The following GALNT17 variants were observed in gnomAD, a reference collection of about 807,000 sequenced individuals.
GALNT17 encodes UDP-GalNAc:polypeptide N-acetylgalactosaminyltransferase-like 3.
A neutral mutation model predicts 63.7 loss-of-function variants in GALNT17; 29 were observed. The ratio of observed to expected loss-of-function variants is 0.46; its 90% CI spans 0.34 to 0.62. The LOEUF is 0.62. Ranked by LOEUF, GALNT17 falls within the 20% of genes least tolerant of loss-of-function variation. GALNT17 has a pLI of 0.01. For synonymous variants in GALNT17, 305 were observed against 318.3 expected (o/e 0.96, Z 0.45); for missense variants, 603 against 799.6 (o/e 0.75, Z 2.97).
At chr7:71,137,527 G>C (rs1388926339) in intron 1 of GALNT17, among the ~76,000 whole-genome samples, 1 of 152,226 alleles carries the variant, frequency 6.6e-6, no homozygotes, top group African/African-American at 2.4e-5. Flanking sequence ...GGTTGATCAA[G>C]TTGTTGGGAG....
intron 9 of GALNT17, among the ~76,000 whole-genome samples, chr7:71,702,168 C>T (rs1791661049): frequency 1.3e-5 from 2 of 151,778 alleles, no homozygotes; most frequent in South Asian, 4.2e-4. Flanking sequence ...TGAAAAGTGC[C>T]TACTGGGTAC....
At chr7:71,701,932 TAC>T (rs1791657174) in intron 9 of GALNT17, among the ~76,000 whole-genome samples, 1 of 145,136 alleles carries the variant, frequency 6.9e-6, no homozygotes, top group Non-Finnish European at 1.5e-5. Context: ...TGTATATATA[TAC>T]ATGTCATGGA....
intron 5 of GALNT17, among the ~76,000 whole-genome samples, chr7:71,453,147 T>G (rs1038731670): frequency 1.3e-5 from 2 of 152,126 alleles, no homozygotes; most frequent in Non-Finnish European, 2.9e-5. Context: ...CATTTTTTTT[T>G]GCATGAATTT....
At position 71,710,807 on chromosome 7, in the gene GALNT17, G is replaced by A; in HGVS notation, c.1547G>A (p.Gly516Glu). Residue 516 changes from glycine to glutamate, a missense_variant, in exon 10 of 11, where the codon GGG becomes GAG. Coordinates refer to ENST00000333538, the MANE Select transcript of GALNT17 (RefSeq NM_022479.3). ...KEGFLHLGALGTTTLLPDTRC... is the reference protein window; with the variant it reads ...KEGFLHLGALETTTLLPDTRC... Reference sequence around the variant, plus strand: ...GGCTTCCTGCACTTGGGTGCCCTGGGGACCACCACACTCCTCCCTGACACC... The same window carrying A: ...GGCTTCCTGCACTTGGGTGCCCTGGAGACCACCACACTCCTCCCTGACACC... The A allele has an allele frequency of 6.2e-7, 1 of 1,613,384 alleles. No individual in the cohort carries two copies. The highest frequency in any genetic ancestry group is 8.5e-7 in the Non-Finnish European group (1 of 1,179,928).
At chr7:71,359,744 C>T (rs1320486909) in intron 2 of GALNT17, among the ~76,000 whole-genome samples, 1 of 152,000 alleles carries the variant, frequency 6.6e-6, no homozygotes, top group African/African-American at 2.4e-5. Flanking sequence ...CCACCATACC[C>T]GGCTAATTTT....
chr7:71,684,276 A>G (rs892250317), intron 9 of GALNT17, among the ~76,000 whole-genome samples: 1 of 152,150 alleles, frequency 6.6e-6, no homozygotes, highest in Non-Finnish European at 1.5e-5. Context: ...CAGCTGGTCA[A>G]CCTTCTCCAG....
At chr7:71,208,509 G>A (rs910706803) in intron 1 of GALNT17, among the ~76,000 whole-genome samples, 1 of 147,014 alleles carries the variant, frequency 6.8e-6, no homozygotes, top group African/African-American at 2.5e-5. Flanking sequence ...GGTGTGCAGT[G>A]GTGTGATCAT....
At chr7:71,226,451 A>G (rs1332895115) in intron 1 of GALNT17, among the ~76,000 whole-genome samples, 2 of 152,038 alleles carry the variant, frequency 1.3e-5, no homozygotes, top group African/African-American at 2.4e-5. Flanking sequence ...GTCTAGGCCA[A>G]CTCAGTCCTC....
intron 4 of GALNT17, among the ~76,000 whole-genome samples, chr7:71,418,506 AGG>A: frequency 1.3e-5 from 2 of 152,192 alleles, no homozygotes; most frequent in Non-Finnish European, 2.9e-5. Context: ...CTGAGAGTCA[AGG>A]AATCCTCCTG....
chr7:71,287,463 C>T (rs554353103), intron 1 of GALNT17, among the ~76,000 whole-genome samples: 28 of 152,098 alleles, frequency 1.8e-4, no homozygotes, highest in Admixed American at 1.5e-3. Context: ...ACCTCCCTCT[C>T]GTCTCATAGC....
Position 71,699,984 on chromosome 7 carries a change from T to C in GALNT17, c.1501-10777T>C, listed in dbSNP as rs185106868. Among the ~76,000 whole-genome samples, 3 of 151,726 alleles carry C rather than the reference T, an allele frequency of 2.0e-5. No individual in the cohort carries two copies. The East Asian group carries it at 5.9e-4, about 30-fold the overall frequency. ...CAGTGTATGATGATAAAATATTCCG[T>C]TTTCCAGTAAGATAGAATAATTATT... On this transcript the variant is annotated intron_variant, in intron 9 of 10. Coordinates refer to ENST00000333538, the MANE Select transcript of GALNT17 (RefSeq NM_022479.3).
chr7:71,273,429 T>C (rs570597591), intron 1 of GALNT17, among the ~76,000 whole-genome samples: 24 of 152,366 alleles, frequency 1.6e-4, no homozygotes, highest in Non-Finnish European at 3.4e-4. Context: ...AAATATCGGC[T>C]AGATTATTTT....
At chr7:71,365,503 G>T in intron 2 of GALNT17, among the ~76,000 whole-genome samples, 1 of 152,216 alleles carries the variant, frequency 6.6e-6, no homozygotes, top group East Asian at 1.9e-4. Context: ...GCTTCCCAAA[G>T]TGCTGGGATT....
chr7:71,197,856 A>G (rs1789085312), intron 1 of GALNT17, among the ~76,000 whole-genome samples: 1 of 151,944 alleles, frequency 6.6e-6, no homozygotes, highest in African/African-American at 2.4e-5. Context: ...CTGTTGATGG[A>G]TGATTATGTT....
chr7:71,586,938 C>G (rs992635255), intron 6 of GALNT17, among the ~76,000 whole-genome samples: 9 of 152,164 alleles, frequency 5.9e-5, no homozygotes, highest in Non-Finnish European at 1.3e-4. Context: ...ACTGACCTAT[C>G]AAACACTAGG....
chr7:71,224,927 A>G (rs1453729324), intron 1 of GALNT17, among the ~76,000 whole-genome samples: 1 of 152,120 alleles, frequency 6.6e-6, no homozygotes, highest in African/African-American at 2.4e-5. Context: ...ACCAATCTAT[A>G]TTGGTTTTCT....
At chr7:71,401,243 C>T (rs931763662) in intron 3 of GALNT17, among the ~76,000 whole-genome samples, 2 of 151,788 alleles carry the variant, frequency 1.3e-5, no homozygotes. Context: ...ATTACAGGTG[C>T]CCACCACCAC....
chr7:71,195,956 A>G (rs1379915196), intron 1 of GALNT17, among the ~76,000 whole-genome samples: 1 of 151,992 alleles, frequency 6.6e-6, no homozygotes, highest in African/African-American at 2.4e-5. Flanking sequence ...TAACTCCCTA[A>G]TGAGCTTCTC....
chr7:71,312,187 G>A (rs1046719974), intron 1 of GALNT17, among the ~76,000 whole-genome samples: 13 of 152,220 alleles, frequency 8.5e-5, no homozygotes, highest in African/African-American at 3.1e-4. Flanking sequence ...TGGGCAAACT[G>A]CCTGGGGTTA....
Sources: gnomAD v4.1 joint callset for allele counts (sites outside exome capture counted in the v4.1 genomes callset) on GRCh38, gnomAD v4.1.1 for gene constraint, MANE v1.5 for transcripts, NCBI Gene and HGNC (gene_info 2026-07-23, HGNC 2026-07-21) for gene names.